The following GRAMD1B variants were observed in gnomAD, a reference collection of about 807,000 sequenced individuals.
GRAMD1B encodes protein Aster-B.
A neutral mutation model predicts 99.7 loss-of-function variants in GRAMD1B; 37 were observed. The observed-to-expected ratio is 0.37, with a 90% confidence interval of 0.29 to 0.49. The LOEUF (loss-of-function observed/expected upper bound fraction) is 0.49, where lower values mean the gene tolerates loss of function less well. Among genes scored for constraint, GRAMD1B ranks in the 20% least tolerant of loss-of-function variants. GRAMD1B has a pLI of 0.98. For missense variants in GRAMD1B, 888 were observed against 1,009.2 expected (o/e 0.88, Z 1.63); for synonymous variants, 427 against 387.6 (o/e 1.10, Z -1.19).
At chr11:123,485,542 T>G (rs763240183) in intron 2 of GRAMD1B, among the ~76,000 whole-genome samples, 2 of 152,164 alleles carry the variant, frequency 1.3e-5, no homozygotes, top group African/African-American at 2.4e-5. Flanking sequence ...GTGACATACA[T>G]TTGCTGAGTG....
intron 2 of GRAMD1B, among the ~76,000 whole-genome samples, chr11:123,573,862 C>T (rs1948425658): frequency 6.6e-6 from 1 of 152,084 alleles, no homozygotes; most frequent in Admixed American, 6.5e-5. Context: ...TGAAGACTGT[C>T]ACTAGGATGG....
At chr11:123,600,850 T>TAGGA (rs1288797062) in intron 8 of GRAMD1B, among the ~76,000 whole-genome samples, 1 of 151,688 alleles carries the variant, frequency 6.6e-6, no homozygotes, top group Non-Finnish European at 1.5e-5. Context: ...CCCCCAGAAA[T>TAGGA]AGGAAGCACA....
chr11:123,618,283 C>T (rs1954706409), intron 17 of GRAMD1B: 2 of 1,451,138 alleles, frequency 1.4e-6, no homozygotes, highest in African/African-American at 1.4e-5. Flanking sequence ...GTTTCCCCTT[C>T]CCCACACTTG....
intron 2 of GRAMD1B, chr11:123,491,821 C>G: frequency 2.5e-6 from 1 of 399,106 alleles, no homozygotes; most frequent in East Asian, 3.6e-5. Flanking sequence ...TCCCAGCTGC[C>G]ATGTGGCCAG....
chr11:123,365,311 G>A (rs1467743600), intron 1 of GRAMD1B, among the ~76,000 whole-genome samples: 3 of 151,606 alleles, frequency 2.0e-5, no homozygotes, highest in Non-Finnish European at 4.4e-5. Flanking sequence ...GAGTGCAGTG[G>A]CGCAATCTCA....
chr11:123,563,991 T>C (rs1406380456), intron 2 of GRAMD1B, among the ~76,000 whole-genome samples: 1 of 152,228 alleles, frequency 6.6e-6, no homozygotes, highest in Non-Finnish European at 1.5e-5. Flanking sequence ...ATTTGAGTTA[T>C]AGCAGGAAAA....
chr11:123,498,514 T>A (rs11219171), intron 2 of GRAMD1B, among the ~76,000 whole-genome samples: 20,608 of 152,268 alleles, frequency 0.14, 1,683 homozygotes, highest in East Asian at 0.44. Context: ...CGGTAATTGC[T>A]CACCCAACAT....
At chr11:123,433,462 T>A (rs115020430) in intron 1 of GRAMD1B, among the ~76,000 whole-genome samples, 3,002 of 152,282 alleles carry the variant, frequency 0.02, 90 homozygotes, top group African/African-American at 0.067. Context: ...GACCTTCTTT[T>A]GATCTTGAGA....
At chr11:123,471,295 C>G (rs1046489734) in intron 1 of GRAMD1B, among the ~76,000 whole-genome samples, 1 of 152,198 alleles carries the variant, frequency 6.6e-6, no homozygotes, top group African/African-American at 2.4e-5. Context: ...CAGGAAGAAG[C>G]AGGAACCCAA....
chr11:123,558,834 C>T (rs565679583), intron 2 of GRAMD1B, among the ~76,000 whole-genome samples: 16 of 152,308 alleles, frequency 1.1e-4, no homozygotes, highest in African/African-American at 3.4e-4. Flanking sequence ...GTTCTATCAA[C>T]GGGCTGCAGA....
At chr11:123,381,771 C>G (rs541860127) in intron 1 of GRAMD1B, among the ~76,000 whole-genome samples, 1 of 152,118 alleles carries the variant, frequency 6.6e-6, no homozygotes, top group African/African-American at 2.4e-5. Flanking sequence ...AAAATTAATC[C>G]CATACTTGAA....
At chr11:123,460,973 G>A (rs902634781) in intron 1 of GRAMD1B, among the ~76,000 whole-genome samples, 1 of 152,120 alleles carries the variant, frequency 6.6e-6, no homozygotes, top group Admixed American at 6.6e-5. Flanking sequence ...GGCTCTCTGT[G>A]TCTTTCCCAC....
intron 2 of GRAMD1B, among the ~76,000 whole-genome samples, chr11:123,548,170 G>C (rs115141551): frequency 3.3e-5 from 5 of 151,556 alleles, no homozygotes; most frequent in Non-Finnish European, 5.9e-5. Context: ...GCTTGTGCCC[G>C]TGGGTGAGTC....
At chr11:123,599,417 A>G (rs1396214285) in intron 7 of GRAMD1B, 2 of 668,106 alleles carry the variant, frequency 3.0e-6, no homozygotes, top group Non-Finnish European at 5.7e-6. Flanking sequence ...CCTTCTCCTC[A>G]TGATAGCACT....
chr11:123,367,656 T>C (rs1457280479), intron 1 of GRAMD1B, among the ~76,000 whole-genome samples: 2 of 152,010 alleles, frequency 1.3e-5, no homozygotes, highest in African/African-American at 4.8e-5. Flanking sequence ...GGTCCAGTTA[T>C]GCAGCTTGTA....
chr11:123,594,600 G>A (rs1951047837), intron 5 of GRAMD1B, 135 bp from the exon 6 acceptor site: 1 of 630,208 alleles, frequency 1.6e-6, no homozygotes, highest in Admixed American at 2.6e-5. Flanking sequence ...GCTAGTTCAA[G>A]TGTCTGGCAC....
intron 2 of GRAMD1B, among the ~76,000 whole-genome samples, chr11:123,539,580 T>G (rs142377702): frequency 0.019 from 2,917 of 152,202 alleles, 88 homozygotes; most frequent in African/African-American, 0.066. Context: ...CCAGCCTGGG[T>G]GACAGAGAGA....
chr11:123,369,666 G>T (rs181911391), intron 1 of GRAMD1B, among the ~76,000 whole-genome samples: 270 of 152,248 alleles, frequency 1.8e-3, no homozygotes, highest in African/African-American at 6.4e-3. Context: ...GAGGCCAGGA[G>T]TTCGTGACCA....
intron 1 of GRAMD1B, among the ~76,000 whole-genome samples, chr11:123,434,913 A>G (rs1173251613): frequency 6.6e-6 from 1 of 152,188 alleles, no homozygotes; most frequent in Non-Finnish European, 1.5e-5. Flanking sequence ...TGAGCATTTC[A>G]CTTTACCTCC....
Sources: gnomAD v4.1 joint callset for allele counts (sites outside exome capture counted in the v4.1 genomes callset) on GRCh38, gnomAD v4.1.1 for gene constraint, MANE v1.5 for transcripts, NCBI Gene and HGNC (gene_info 2026-07-23, HGNC 2026-07-21) for gene names.